Variants in KIF11 observed in about 807,000 individuals in gnomAD.
KIF11 encodes the protein kinesin family member 11, also known as kinesin-like protein KIF11.
In KIF11, 9 loss-of-function variants were observed where a neutral mutation model predicts 121.0. That is an observed-to-expected ratio of 0.07 (90% CI 0.04 to 0.13). KIF11 has a LOEUF of 0.13. Among genes scored for constraint, KIF11 ranks in the 10% least tolerant of loss-of-function variants. The pLI is 1.00. For missense variants in KIF11, 846 were observed against 1,217.5 expected, an observed-to-expected ratio of 0.69 and a Z score of 4.54; for synonymous variants, 408 against 421.0, an observed-to-expected ratio of 0.97 and a Z score of 0.38.
intron 4 of KIF11, 28 bp from the exon 5 acceptor site, chr10:92,608,992 T>C (rs573401214): frequency 9.0e-5 from 119 of 1,315,346 alleles, no homozygotes; most frequent in Non-Finnish European, 9.3e-5. Context: ...GCATTCTTCC[T>C]TTATATTAGT....
chr10:92,641,643 A>G (rs1431723918), intron 17 of KIF11, among the ~76,000 whole-genome samples: 5 of 152,088 alleles, frequency 3.3e-5, no homozygotes, highest in Non-Finnish European at 5.9e-5. Context: ...AGTTTATTCT[A>G]TTTGGGTTTT....
Position 92,633,699 on chromosome 10 carries a change from A to C in KIF11, c.1779A>C (p.Pro593=), listed in dbSNP as rs1473820949. ...CACTTGGATCTCTCACATCTATTCC[A>C]GAAAATGTGTCTACTCATGTTTCTC... ...TVALGSLTSI[P]ENVSTHVSQI... The change falls in exon 14 of 22, where the codon CCA becomes CCC. Residue 593 remains proline, a synonymous_variant. Coordinates refer to ENST00000260731, the MANE Select transcript of KIF11 (RefSeq NM_004523.4). 1.5e-5 allele frequency: 24 copies of C among 1,599,732 alleles called. No homozygotes were observed. Among genetic ancestry groups the C allele is most frequent in the Non-Finnish European group, 2.1e-5 (24 of 1,167,462 alleles).
intron 1 of KIF11, among the ~76,000 whole-genome samples, chr10:92,602,629 T>A (rs577934282): frequency 6.6e-6 from 1 of 152,140 alleles, no homozygotes; most frequent in Non-Finnish European, 1.5e-5. Flanking sequence ...AGTTGTAAAG[T>A]TAGGGTGTTG....
At chr10:92,648,563 C>T (rs1844945779) in intron 19 of KIF11, 129 bp downstream of exon 19, 1 of 596,896 alleles carries the variant, frequency 1.7e-6, no homozygotes, top group Admixed American at 3.5e-5. Context: ...CTGTAATCAA[C>T]TCAAAATGGG....
chr10:92,634,894 T>C (rs772571578), intron 14 of KIF11, among the ~76,000 whole-genome samples: 2 of 152,194 alleles, frequency 1.3e-5, no homozygotes, highest in Non-Finnish European at 2.9e-5. Context: ...GCAAGAAAAA[T>C]ATCTTAGAAT....
chr10:92,650,375 G>A, intron 20 of KIF11, 26 bp from the exon 21 acceptor site: 1 of 1,341,578 alleles, frequency 7.5e-7, no homozygotes, highest in Non-Finnish European at 1.1e-6. Flanking sequence ...CTTGGACTTA[G>A]TCACTCATCC....
In KIF11 at chr10:92,654,884, G is replaced by C. The variant is rs1362134635; in HGVS notation, c.*1088G>C. The C allele has an allele frequency of 6.6e-6, 1 of 152,392 alleles. No individual in the cohort carries two copies. Among genetic ancestry groups the C allele is most frequent in the Admixed American group, 6.6e-5 (1 of 15,248 alleles). 9.4% of individuals were successfully genotyped at this position (152,392 alleles called of 1,614,324 possible). A position where few individuals can be genotyped will look rare whatever the true frequency, so the allele number is the denominator to read the frequency against. ...GCTCTGTGCCCACACTCCAAGACCT[G>C]TGCCTTTTAGAGAAGCTCACAATGA... On this transcript the variant is annotated 3_prime_UTR_variant, in exon 22 of 22. Transcript: ENST00000260731.
rs1401245249 is a variant in KIF11 at position 92,655,121 on chromosome 10, A to C, written c.*1325A>C. The C allele has an allele frequency of 1.3e-5, 2 of 152,638 alleles. No individual in the cohort carries two copies. Among genetic ancestry groups the C allele is most frequent in the Non-Finnish European group, 1.5e-5 (1 of 68,042 alleles). 9.5% of individuals were successfully genotyped at this position (152,638 alleles called of 1,614,324 possible). A position where few individuals can be genotyped will look rare whatever the true frequency, so the allele number is the denominator to read the frequency against. On this transcript the variant is annotated 3_prime_UTR_variant, in exon 22 of 22. Transcript: ENST00000260731. ...ATGTTTCAGCTTGAAGAACCAAAACAGAAGGAATATGTACAAAGAATAAAT... is the reference window on the plus strand; with the variant it reads ...ATGTTTCAGCTTGAAGAACCAAAACCGAAGGAATATGTACAAAGAATAAAT...
rs532157999 is a variant in KIF11 at position 92,600,578 on chromosome 10, G to A, written c.78-5687G>A. On this transcript the variant is annotated intron_variant, in intron 1 of 21. Coordinates refer to ENST00000260731, the MANE Select transcript of KIF11 (RefSeq NM_004523.4). ...GCTGGAGTGCAGTGGCACAATCTTG[G>A]CTCATTGCAACCTCTGCCTCCTGGG... Among the ~76,000 whole-genome samples the A allele has an allele frequency of 1.5e-4, 23 of 152,116 alleles. No homozygotes were observed. In the South Asian group the frequency reaches 4.4e-3, roughly 29 times the overall value.
intron 1 of KIF11, among the ~76,000 whole-genome samples, chr10:92,595,187 G>T (rs1844281221): frequency 6.6e-6 from 1 of 152,148 alleles, no homozygotes; most frequent in Non-Finnish European, 1.5e-5. Flanking sequence ...AGCCTCTCAG[G>T]TAGCTGGGAT....
chr10:92,606,554 A>G, intron 2 of KIF11, 65 bp from the exon 3 acceptor site: 2 of 1,270,736 alleles, frequency 1.6e-6, no homozygotes, highest in East Asian at 2.4e-5. Flanking sequence ...TAACATACGA[A>G]AAACAAAATT....
chr10:92,598,888 C>T (rs1258001254), intron 1 of KIF11, among the ~76,000 whole-genome samples: 2 of 152,176 alleles, frequency 1.3e-5, no homozygotes, highest in Non-Finnish European at 2.9e-5. Flanking sequence ...AGTGATTCTC[C>T]TGCCTCAGCC....
At chr10:92,640,602 T>C (rs11187110) in intron 17 of KIF11, among the ~76,000 whole-genome samples, 13,199 of 151,750 alleles carry the variant, frequency 0.087, 645 homozygotes, top group Middle Eastern at 0.11. Flanking sequence ...TGGCTAATTT[T>C]TTGTATTTTT....
rs554397940 is a variant in KIF11 at position 92,637,619 on chromosome 10, C to A, written c.2160+74C>A. ...GATTTGATATGACTTGATAATTAAT[C>A]TATGTTACACAATCTGAATACTGTA... On this transcript the variant is annotated intron_variant, in intron 16 of 21. Transcript: ENST00000260731. 45 of 1,387,424 alleles carry A rather than the reference C, an allele frequency of 3.2e-5. No individual in the cohort carries two copies. The East Asian group carries it at 1.1e-3, about 33-fold the overall frequency. The allele number at this position is 1,387,424 out of a possible 1,614,324, so 85.9% of individuals were successfully genotyped here.
chr10:92,631,137 T>G (rs1212670480), intron 12 of KIF11, among the ~76,000 whole-genome samples: 1 of 144,380 alleles, frequency 6.9e-6, no homozygotes, highest in East Asian at 2.1e-4. Context: ...AAAAAAAAAA[T>G]ACAAAAATTA....
intron 6 of KIF11, among the ~76,000 whole-genome samples, chr10:92,612,767 C>G (rs1038354649): frequency 1.3e-5 from 2 of 152,164 alleles, no homozygotes; most frequent in Non-Finnish European, 2.9e-5. Flanking sequence ...TCGACCCCAC[C>G]CACATCCAGC....
At chr10:92,628,585 GA>G (rs1298355136) in intron 10 of KIF11, among the ~76,000 whole-genome samples, 1 of 152,116 alleles carries the variant, frequency 6.6e-6, no homozygotes, top group East Asian at 1.9e-4. Context: ...GAGGGCAAGG[GA>G]AAAATATTTC....
Position 92,637,490 on chromosome 10 carries a change from A to G in KIF11, c.2105A>G (p.Lys702Arg). Reference protein sequence around the residue: ...NTICSLVESQKQCGNLTEDLK... With the variant: ...NTICSLVESQRQCGNLTEDLK... ...ATTTGTTCCTTGGTTGAGTCACAAA[A>G]GCAATGTGGAAACCTAACTGAAGAC... The change falls in exon 16 of 22, where the codon AAG becomes AGG. Residue 702 changes from lysine to arginine, a missense_variant. By Grantham distance (26) the Lys-to-Arg change is conservative. This residue lies in a region of KIF11 where 492 missense variants were observed against 603.4 expected (regional missense o/e 0.82). Coordinates refer to ENST00000260731, the MANE Select transcript of KIF11 (RefSeq NM_004523.4). 4 of 1,608,344 alleles carry G rather than the reference A, an allele frequency of 2.5e-6. No individual in the cohort carries two copies. Among genetic ancestry groups the G allele is most frequent in the Non-Finnish European group, 3.4e-6 (4 of 1,178,846 alleles).
chr10:92,640,871 C>T (rs1382017408), intron 17 of KIF11, among the ~76,000 whole-genome samples: 3 of 152,126 alleles, frequency 2.0e-5, no homozygotes, highest in Admixed American at 6.6e-5. Context: ...CTCAGCCTCC[C>T]GAGTAGCTGG....
Sources: allele counts gnomAD v4.1 joint callset (sites outside exome capture counted in the v4.1 genomes callset), GRCh38; gene constraint gnomAD v4.1.1; regional missense constraint gnomAD v4.1.1; transcripts MANE v1.5; gene names NCBI Gene and HGNC (gene_info 2026-07-23, HGNC 2026-07-21).